Variants in CWF19L2 observed in about 807,000 individuals in gnomAD.
CWF19L2 encodes the protein CWF19-like protein 2.
In CWF19L2, 98 loss-of-function variants were observed where a neutral mutation model predicts 111.7. The ratio of observed to expected loss-of-function variants is 0.88; its 90% confidence interval spans 0.75 to 1.04. The LOEUF is 1.04. Among genes scored for constraint, CWF19L2 ranks in the 50% least tolerant of loss-of-function variants. The pLI is 0.00. For synonymous variants in CWF19L2, 351 were observed against 342.9 expected (o/e 1.02, Z -0.26); for missense variants, 1,101 against 1,051.4 (o/e 1.05, Z -0.65).
chr11:107,332,981 G>A (rs1475709832), intron 16 of CWF19L2, among the ~76,000 whole-genome samples: 5 of 151,986 alleles, frequency 3.3e-5, no homozygotes, highest in Admixed American at 2.6e-4. Context: ...AGCCTGGCGT[G>A]GTGGTGCGCT....
intron 9 of CWF19L2, 40 bp from the exon 10 acceptor site, chr11:107,416,338 G>C: frequency 3.4e-6 from 3 of 886,068 alleles, no homozygotes; most frequent in Non-Finnish European, 4.9e-6. Flanking sequence ...GCGATATGTA[G>C]TTTAATTCTT....
intron 6 of CWF19L2, among the ~76,000 whole-genome samples, chr11:107,437,700 G>C (rs573068278): frequency 1.3e-5 from 2 of 152,136 alleles, no homozygotes; most frequent in Non-Finnish European, 1.5e-5. Flanking sequence ...TGCTGTTTCA[G>C]TCTGCTAAAA....
intron 12 of CWF19L2, among the ~76,000 whole-genome samples, chr11:107,388,330 G>A (rs1860800378): frequency 1.3e-5 from 2 of 152,088 alleles, no homozygotes; most frequent in African/African-American, 4.8e-5. Context: ...AACTAAAATG[G>A]TATCTGACAC....
At chr11:107,361,320 T>C (rs1036482533) in intron 12 of CWF19L2, among the ~76,000 whole-genome samples, 5 of 152,344 alleles carry the variant, frequency 3.3e-5, no homozygotes, top group South Asian at 2.1e-4. Context: ...TGGCTGTCTA[T>C]TGTTTACGTC....
chr11:107,381,994 C>G (rs1388919780), intron 12 of CWF19L2, among the ~76,000 whole-genome samples: 1 of 151,940 alleles, frequency 6.6e-6, no homozygotes. Flanking sequence ...CCCCTCCGGC[C>G]CATGTTTAAT....
Position 107,334,981 on chromosome 11 carries a change from T to C in CWF19L2, c.2359-20A>G, listed in dbSNP as rs760134549. On this transcript the variant is annotated intron_variant, in intron 15 of 17. Coordinates refer to ENST00000282251, the MANE Select transcript of CWF19L2 (RefSeq NM_152434.3). ...GGCTTTCTAAGAAATATCCATTTGTTAAGTGAAAAAAGAACATGTAAGTAA... is the reference window on the plus strand; with the variant it reads ...GGCTTTCTAAGAAATATCCATTTGTCAAGTGAAAAAAGAACATGTAAGTAA... The C allele has an allele frequency of 2.7e-6, 4 of 1,502,320 alleles. No homozygotes were observed. Among genetic ancestry groups the C allele is most frequent in the Non-Finnish European group, 3.7e-6 (4 of 1,084,024 alleles). The allele number at this position is 1,502,320 out of a possible 1,614,324, so 93.1% of individuals were successfully genotyped here.
At chr11:107,429,560 C>A in intron 7 of CWF19L2, 109 bp from the exon 8 acceptor site, 3 of 783,618 alleles carry the variant, frequency 3.8e-6, no homozygotes, top group Non-Finnish European at 4.0e-6. Flanking sequence ...CTGAAAAGCC[C>A]ACTAACGGGG....
intron 3 of CWF19L2, 110 bp downstream of exon 3, chr11:107,454,340 A>G: frequency 5.0e-6 from 4 of 807,282 alleles, no homozygotes; most frequent in Non-Finnish European, 6.9e-6. Context: ...TTCATATCAT[A>G]ACTAGTAATA....
intron 11 of CWF19L2, 81 bp downstream of exon 11, chr11:107,392,698 A>G (rs570235605): frequency 2.7e-4 from 213 of 775,150 alleles, no homozygotes; most frequent in Non-Finnish European, 3.9e-4. Context: ...TTCAGAAAAT[A>G]TTTTATAATC....
intron 14 of CWF19L2, among the ~76,000 whole-genome samples, chr11:107,340,406 A>G (rs1459697811): frequency 6.6e-6 from 1 of 152,228 alleles, no homozygotes; most frequent in African/African-American, 2.4e-5. Context: ...CTCCAGCACC[A>G]TTCACTGAAA....
chr11:107,349,200 G>A (rs1860124141), intron 13 of CWF19L2, 147 bp from the exon 14 acceptor site: 1 of 386,044 alleles, frequency 2.6e-6, no homozygotes. Flanking sequence ...CTTAAGAATT[G>A]CTTTTGCAAA....
intron 8 of CWF19L2, among the ~76,000 whole-genome samples, chr11:107,426,496 C>A: frequency 6.6e-6 from 1 of 151,682 alleles, no homozygotes; most frequent in Non-Finnish European, 1.5e-5. Flanking sequence ...AAATAGCATG[C>A]AAAGATACTC....
chr11:107,387,483 C>A lies in CWF19L2; in HGVS notation c.1872+2591G>T, dbSNP rs942399746. ...AAAACAAAACAAAAAACAAAAAAAACCTTCAAATGGCTCCCCATCATTAAA... is the reference window on the plus strand; with the variant it reads ...AAAACAAAACAAAAAACAAAAAAAAACTTCAAATGGCTCCCCATCATTAAA... On this transcript the variant is annotated intron_variant, in intron 12 of 17. Coordinates refer to ENST00000282251, the MANE Select transcript of CWF19L2 (RefSeq NM_152434.3). 1.5e-3 allele frequency among the ~76,000 whole-genome samples: 201 copies of A among 134,140 alleles called. 3 individuals carry two copies. The highest frequency in any genetic ancestry group is 6.5e-4 in the Non-Finnish European group (40 of 61,910). The allele number at this position is 134,140 out of a possible 152,430, so 88.0% of individuals were successfully genotyped here.
intron 5 of CWF19L2, among the ~76,000 whole-genome samples, chr11:107,439,701 GA>G (rs1360244606): frequency 6.6e-6 from 1 of 152,206 alleles, no homozygotes; most frequent in Non-Finnish European, 1.5e-5. Flanking sequence ...CAGAGAAAGA[GA>G]AAGTGCAGCA....
intron 13 of CWF19L2, among the ~76,000 whole-genome samples, chr11:107,351,921 C>T (rs760270938): frequency 5.3e-5 from 8 of 152,166 alleles, no homozygotes; most frequent in Non-Finnish European, 1.0e-4. Flanking sequence ...GATTTAAATG[C>T]TGTCTTAAGC....
intron 14 of CWF19L2, chr11:107,345,465 T>C (rs1398277512): frequency 2.2e-6 from 1 of 458,792 alleles, no homozygotes; most frequent in Non-Finnish European, 4.5e-6. Flanking sequence ...CTGGCTTAAT[T>C]ATTGGATGAC....
At position 107,426,671 on chromosome 11, in the gene CWF19L2, T is replaced by A. The variant is rs1023448946; in HGVS notation, c.1433+2128A>T. ...AAATGTAGGTACATATGGGCTAAAG[T>A]AAAAAGATCTTTAAGATATACTTAT... is the stretch of plus-strand genomic sequence containing the variant. On this transcript the variant is annotated intron_variant, in intron 8 of 17. Transcript: ENST00000282251. Among the ~76,000 whole-genome samples the A allele has an allele frequency of 5.3e-5, 8 of 151,784 alleles. No individual in the cohort carries two copies. In the South Asian group the frequency reaches 6.2e-4, roughly 12 times the overall value.
At chr11:107,382,739 T>TCAA (rs1860707003) in intron 12 of CWF19L2, among the ~76,000 whole-genome samples, 1 of 152,230 alleles carries the variant, frequency 6.6e-6, no homozygotes, top group African/African-American at 2.4e-5. Flanking sequence ...CAGTCTTGTA[T>TCAA]TACAATGTTG....
At chr11:107,327,142 T>C (rs1565239029) in intron 17 of CWF19L2, 89 bp from the exon 18 acceptor site, 2 of 1,255,814 alleles carry the variant, frequency 1.6e-6, no homozygotes, top group Non-Finnish European at 2.2e-6. Flanking sequence ...TGCTATAAAA[T>C]ATAACAAGTT....
Sources: gnomAD v4.1 joint callset for allele counts (sites outside exome capture counted in the v4.1 genomes callset) on GRCh38, gnomAD v4.1.1 for gene constraint, MANE v1.5 for transcripts, NCBI Gene and HGNC (gene_info 2026-07-23, HGNC 2026-07-21) for gene names.